GRM1: variants seen among roughly 807,000 people sequenced by gnomAD.
GRM1 encodes metabotropic glutamate receptor 1.
Under a neutral mutation model 90.9 loss-of-function variants are expected in GRM1, and 33 were observed. That is an observed-to-expected ratio of 0.36 (90% CI 0.28 to 0.49). The LOEUF is 0.49. Among genes scored for constraint, GRM1 ranks in the 20% least tolerant of loss-of-function variants. The pLI, the probability that GRM1 is intolerant of heterozygous loss-of-function variation, is 0.99. For missense variants in GRM1, 1,190 were observed against 1,534.3 expected (o/e 0.78, Z 3.75); for synonymous variants, 700 against 613.2 (o/e 1.14, Z -2.09).
intron 5 of GRM1, among the ~76,000 whole-genome samples, chr6:146,364,044 G>A (rs1775589153): frequency 6.6e-6 from 1 of 152,192 alleles, no homozygotes. Context: ...TTCTCACACT[G>A]AATCCAAGTA....
At chr6:146,033,428 CTG>C (rs1000046780) in intron 1 of GRM1, among the ~76,000 whole-genome samples, 8 of 152,058 alleles carry the variant, frequency 5.3e-5, no homozygotes, top group African/African-American at 1.9e-4. Flanking sequence ...TTAAAAATAA[CTG>C]TAGTTAATAA....
intron 5 of GRM1, among the ~76,000 whole-genome samples, chr6:146,370,874 C>T (rs1035237502): frequency 6.6e-6 from 1 of 152,066 alleles, no homozygotes; most frequent in Non-Finnish European, 1.5e-5. Context: ...GAGTGCCTAG[C>T]ACATAGTTTG....
At chr6:146,323,424 T>A (rs1045342064) in intron 3 of GRM1, among the ~76,000 whole-genome samples, 8 of 152,168 alleles carry the variant, frequency 5.3e-5, no homozygotes, top group Non-Finnish European at 1.0e-4. Flanking sequence ...TTCGCCCACT[T>A]TTTGATGGGG....
chr6:146,050,832 A>G (rs1025062144), intron 1 of GRM1, among the ~76,000 whole-genome samples: 15 of 152,024 alleles, frequency 9.9e-5, no homozygotes, highest in Non-Finnish European at 1.6e-4. Flanking sequence ...TTGTGGAAGG[A>G]ATTCCGGTAT....
intron 2 of GRM1, among the ~76,000 whole-genome samples, chr6:146,254,567 A>G (rs1781419251): frequency 6.6e-6 from 1 of 152,176 alleles, no homozygotes; most frequent in Admixed American, 6.5e-5. Flanking sequence ...ACATATGTAT[A>G]TGCATGTTTG....
intron 1 of GRM1, among the ~76,000 whole-genome samples, chr6:146,111,990 A>G (rs985111713): frequency 2.6e-5 from 4 of 152,210 alleles, no homozygotes; most frequent in African/African-American, 7.2e-5. Context: ...TGCATGCACA[A>G]TGTGGCACTC....
chr6:146,324,390 AG>A (rs2114978411), intron 3 of GRM1, among the ~76,000 whole-genome samples: 1 of 152,202 alleles, frequency 6.6e-6, no homozygotes, highest in South Asian at 2.1e-4. Flanking sequence ...CCCCCTTTCC[AG>A]GGGAGTGAAC....
intron 1 of GRM1, among the ~76,000 whole-genome samples, chr6:146,140,768 T>C (rs1776848966): frequency 6.6e-6 from 1 of 152,250 alleles, no homozygotes; most frequent in East Asian, 1.9e-4. Flanking sequence ...TAACTTTTTT[T>C]AACAGAAGTT....
At chr6:146,270,849 TTTTCTTTCTTTCTTTCTTTC>T (rs1164507964) in intron 2 of GRM1, among the ~76,000 whole-genome samples, 87 of 91,744 alleles carry the variant, frequency 9.5e-4, no homozygotes, top group African/African-American at 2.0e-3. Flanking sequence ...CTTTCTTTCT[TTTTCTTTCTTTCTTTCTTTC>T]TTTCTTTCTT....
intron 3 of GRM1, among the ~76,000 whole-genome samples, chr6:146,334,050 A>C (rs1312718751): frequency 6.6e-6 from 1 of 152,156 alleles, no homozygotes; most frequent in African/African-American, 2.4e-5. Context: ...CTCTTCCAGC[A>C]CTTCCTGTTT....
At chr6:146,255,844 C>T (rs1360329992) in intron 2 of GRM1, among the ~76,000 whole-genome samples, 1 of 152,162 alleles carries the variant, frequency 6.6e-6, no homozygotes, top group African/African-American at 2.4e-5. Flanking sequence ...CCATTTCATA[C>T]TATCCACTCA....
intron 5 of GRM1, among the ~76,000 whole-genome samples, chr6:146,373,985 T>C (rs1371782737): frequency 6.6e-6 from 1 of 152,168 alleles, no homozygotes; most frequent in Non-Finnish European, 1.5e-5. Flanking sequence ...TTCAGTATGA[T>C]ACTATCTGTG....
At chr6:146,223,825 A>T (rs1780150612) in intron 2 of GRM1, among the ~76,000 whole-genome samples, 1 of 152,096 alleles carries the variant, frequency 6.6e-6, no homozygotes, top group African/African-American at 2.4e-5. Flanking sequence ...TCTTTCATAG[A>T]TGTTGTACCC....
intron 2 of GRM1, among the ~76,000 whole-genome samples, chr6:146,227,419 T>G (rs976417141): frequency 1.3e-4 from 20 of 152,196 alleles, no homozygotes; most frequent in African/African-American, 4.8e-4. Flanking sequence ...TCTATGTGTT[T>G]TGACAAATGT....
At chr6:146,179,225 A>G (rs1778449868) in intron 2 of GRM1, among the ~76,000 whole-genome samples, 1 of 152,202 alleles carries the variant, frequency 6.6e-6, no homozygotes, top group South Asian at 2.1e-4. Flanking sequence ...AGACCTAAAC[A>G]GCAAGATTCC....
chr6:146,129,508 C>T (rs1776313352), intron 1 of GRM1, among the ~76,000 whole-genome samples: 1 of 152,120 alleles, frequency 6.6e-6, no homozygotes, highest in Non-Finnish European at 1.5e-5. Flanking sequence ...GCCAGAACCT[C>T]CATGGCAGGT....
chr6:146,269,132 T>C (rs764834082), intron 2 of GRM1, among the ~76,000 whole-genome samples: 10 of 152,224 alleles, frequency 6.6e-5, no homozygotes, highest in Non-Finnish European at 1.2e-4. Context: ...CCGCCCTGAC[T>C]GCTTCTTCTG....
rs72225459 is a variant in GRM1 at position 146,159,604 on chromosome 6, TTCTC to T, written c.950+42_950+45del. 142,622 of 1,180,654 alleles carry T rather than the reference TTCTC, an allele frequency of 0.12. 299 individuals carry two copies. Among genetic ancestry groups the T allele is most frequent in the East Asian group, 0.18 (6,921 of 38,422 alleles). The allele number at this position is 1,180,654 out of a possible 1,614,324, so 73.1% of individuals were successfully genotyped here. The stretch of plus-strand genomic sequence containing the variant: ...AGTTCTCACTCATTGGAAGGTAAGT[TTCTC>T]TCTCTCTCTCTCTCTCTCTCTCTCT... On this transcript the variant is annotated splice_region_variant and intron_variant, in intron 2 of 7. Transcript: ENST00000282753.
At position 146,357,547 on chromosome 6, in the gene GRM1, G is replaced by A. The variant is rs1185399645; in HGVS notation, c.1455G>A (p.Gln485=). ...APGRYDIMNL[Q]YTEANRYDYV... ...GTAGGTATGATATCATGAATCTGCA[G>A]TACACTGAAGCTAATCGCTATGACT... is the stretch of plus-strand genomic sequence containing the variant. The change falls in exon 5 of 8, where the codon CAG becomes CAA. Residue 485 remains glutamine (Q), a synonymous_variant. Coordinates refer to ENST00000282753, the MANE Select transcript of GRM1 (RefSeq NM_001278064.2). 6.2e-7 allele frequency: 1 copy of A among 1,613,168 alleles called. No individual in the cohort carries two copies. Among genetic ancestry groups the A allele is most frequent in the Non-Finnish European group, 8.5e-7 (1 of 1,179,214 alleles).
Sources: allele counts gnomAD v4.1 joint callset (sites outside exome capture counted in the v4.1 genomes callset), GRCh38; gene constraint gnomAD v4.1.1; transcripts MANE v1.5; gene names NCBI Gene and HGNC (gene_info 2026-07-23, HGNC 2026-07-21).